The following HPSE2 variants were observed in gnomAD, a reference collection of about 807,000 sequenced individuals.
The protein encoded by HPSE2 is heparanase 2 (inactive).
Under a neutral mutation model 60.5 loss-of-function variants are expected in HPSE2, and 38 were observed. The observed-to-expected ratio is 0.63, with a 90% confidence interval of 0.48 to 0.82. The LOEUF (loss-of-function observed/expected upper bound fraction) is 0.82. HPSE2 is among the 40% of genes least tolerant of loss of function. The pLI is 0.00. For missense variants in HPSE2, 713 were observed against 740.4 expected (o/e 0.96, Z 0.43); for synonymous variants, 295 against 293.2 (o/e 1.01, Z -0.06).
chr10:98,750,541 A>T (rs1040760427), intron 3 of HPSE2, among the ~76,000 whole-genome samples: 1 of 152,172 alleles, frequency 6.6e-6, no homozygotes, highest in South Asian at 2.1e-4. Flanking sequence ...GCAAGGGATC[A>T]TTGTGGCTTG....
Position 98,474,928 on chromosome 10 carries a change from C to A in HPSE2, c.1613+7708G>T, listed in dbSNP as rs564759808. On this transcript the variant is annotated intron_variant, in intron 11 of 11. Coordinates refer to ENST00000370552, the MANE Select transcript of HPSE2 (RefSeq NM_021828.5). ...GAGATTCTGAGATTCATCTCAGAATCCCCTCCCCAACAACCCCAAAACACC... is the reference window on the plus strand; with the variant it reads ...GAGATTCTGAGATTCATCTCAGAATACCCTCCCCAACAACCCCAAAACACC... Among the ~76,000 whole-genome samples the A allele has an allele frequency of 3.5e-4, 54 of 152,160 alleles. No homozygotes were observed. The East Asian group carries it at 8.3e-3, about 23-fold the overall frequency.
At chr10:98,674,756 A>C (rs1231377407) in intron 6 of HPSE2, among the ~76,000 whole-genome samples, 5 of 152,072 alleles carry the variant, frequency 3.3e-5, no homozygotes, top group South Asian at 2.1e-4. Context: ...CTTTACTAAA[A>C]ACACACACAC....
chr10:98,494,081 C>T (rs1941750471), intron 9 of HPSE2, among the ~76,000 whole-genome samples: 1 of 152,168 alleles, frequency 6.6e-6, no homozygotes, highest in Non-Finnish European at 1.5e-5. Flanking sequence ...TCTGTCCTCA[C>T]CCTTCTCAAT....
chr10:98,616,518 A>T (rs563943734), intron 8 of HPSE2, among the ~76,000 whole-genome samples: 2 of 152,312 alleles, frequency 1.3e-5, no homozygotes, highest in Admixed American at 1.3e-4. Flanking sequence ...TGAAGAATTA[A>T]GTTTTTTCCT....
chr10:98,757,139 G>C (rs1306829413), intron 3 of HPSE2, among the ~76,000 whole-genome samples: 1 of 152,066 alleles, frequency 6.6e-6, no homozygotes, highest in African/African-American at 2.4e-5. Context: ...CATCCTTCAT[G>C]TTAAACATGC....
In HPSE2 at chr10:98,922,181, T is replaced by C. The variant is rs182785103; in HGVS notation, c.611-178125A>G. On this transcript the variant is annotated intron_variant, in intron 3 of 11. Transcript: ENST00000370552. ...TAATGTGATTTTTAATATTTTATAC[T>C]GTTTTCAAAATCCCATGTGTATTTT... 3.0e-3 allele frequency among the ~76,000 whole-genome samples: 455 copies of C among 152,354 alleles called. 1 individual carries two copies. The highest frequency in any genetic ancestry group is 0.011 in the African/African-American group (437 of 41,588).
the HPSE2 span, among the ~76,000 whole-genome samples, chr10:99,305,749 C>T: frequency 1.3e-5 from 2 of 151,314 alleles, no homozygotes; most frequent in African/African-American, 4.9e-5. Flanking sequence ...AATATATATT[C>T]AAATAAAGGA....
intron 9 of HPSE2, among the ~76,000 whole-genome samples, chr10:98,532,427 T>C (rs1943158602): frequency 6.6e-6 from 1 of 152,106 alleles, no homozygotes; most frequent in Admixed American, 6.5e-5. Context: ...CTTGGGCCCA[T>C]ACCTTAAGCA....
chr10:99,166,911 C>T (rs949508094), intron 2 of HPSE2, among the ~76,000 whole-genome samples: 3 of 150,508 alleles, frequency 2.0e-5, no homozygotes, highest in Admixed American at 6.6e-5. Flanking sequence ...GGGTCTTTCA[C>T]AGACCAAAAT....
chr10:98,658,553 C>CT (rs58965184), intron 6 of HPSE2, among the ~76,000 whole-genome samples: 10,082 of 145,394 alleles, frequency 0.069, 379 homozygotes, highest in Admixed American at 0.097. Context: ...ATTAATCAAT[C>CT]TTTTTTTTTT....
chr10:98,832,372 A>G (rs2134658375), intron 3 of HPSE2, among the ~76,000 whole-genome samples: 3 of 152,314 alleles, frequency 2.0e-5, no homozygotes, highest in Admixed American at 2.0e-4. Context: ...ATCTCTTGTC[A>G]TTAAAATGCT....
At chr10:99,086,139 ATATAG>A (rs1413729170) in intron 3 of HPSE2, among the ~76,000 whole-genome samples, 1 of 152,226 alleles carries the variant, frequency 6.6e-6, no homozygotes, top group East Asian at 1.9e-4. Context: ...TATCTTCTAT[ATATAG>A]TATAGTATGT....
chr10:98,882,926 G>C (rs1015808497), intron 3 of HPSE2, among the ~76,000 whole-genome samples: 2 of 152,088 alleles, frequency 1.3e-5, no homozygotes, highest in Non-Finnish European at 2.9e-5. Context: ...AGTATTAGCA[G>C]GTTGTTGTTA....
chr10:98,847,432 A>G (rs952540599), intron 3 of HPSE2, among the ~76,000 whole-genome samples: 1 of 152,218 alleles, frequency 6.6e-6, no homozygotes, highest in Non-Finnish European at 1.5e-5. Flanking sequence ...TACACAGGTA[A>G]TAAGTGGTTG....
rs1346330941 is a variant in HPSE2, at chr10:99,167,000, T to TG, written c.449-22602_449-22601insC. Among the ~76,000 whole-genome samples the TG allele has an allele frequency of 2.2e-5, 3 of 135,142 alleles. No individual in the cohort carries two copies. The East Asian group carries it at 6.1e-4, about 28-fold the overall frequency. The allele number at this position is 135,142 out of a possible 152,430, so 88.7% of individuals were successfully genotyped here. On this transcript the variant is annotated intron_variant, in intron 2 of 11. Transcript: ENST00000370552. ...CTTTCTTTTTTTCTTTTTTCTTTCC[T>TG]TTTTGTTTGTTTGTTTGTTTGTTTG...
At chr10:99,263,521 G>A in the HPSE2 span, among the ~76,000 whole-genome samples, 1 of 152,284 alleles carries the variant, frequency 6.6e-6, no homozygotes, top group Non-Finnish European at 1.5e-5. Context: ...GGAAGCTGGA[G>A]TCATTCACTG....
chr10:98,625,922 G>A (rs752880507), intron 7 of HPSE2, among the ~76,000 whole-genome samples: 20 of 152,080 alleles, frequency 1.3e-4, no homozygotes, highest in Non-Finnish European at 2.5e-4. Flanking sequence ...CTAACACGGT[G>A]AAACCCCGTT....
intron 11 of HPSE2, among the ~76,000 whole-genome samples, chr10:98,478,410 G>T (rs189976404): frequency 6.6e-6 from 1 of 152,064 alleles, no homozygotes; most frequent in African/African-American, 2.4e-5. Flanking sequence ...GGGGGAATGG[G>T]GACCAGAAGA....
At chr10:98,801,895 G>T (rs527273072) in intron 3 of HPSE2, among the ~76,000 whole-genome samples, 1 of 151,968 alleles carries the variant, frequency 6.6e-6, no homozygotes, top group Non-Finnish European at 1.5e-5. Context: ...CCTACCCTGG[G>T]CAAAAAGAAC....
Sources: allele counts gnomAD v4.1 joint callset (sites outside exome capture counted in the v4.1 genomes callset), GRCh38; gene constraint gnomAD v4.1.1; transcripts MANE v1.5; gene names NCBI Gene and HGNC (gene_info 2026-07-23, HGNC 2026-07-21).